The following DLGAP2 variants were observed in gnomAD, a reference collection of about 807,000 sequenced individuals.
The protein encoded by DLGAP2 is DLG associated protein 2.
Under a neutral mutation model 100.3 loss-of-function variants are expected in DLGAP2, and 26 were observed. The observed-to-expected ratio is 0.26, with a 90% CI of 0.19 to 0.36. The LOEUF (loss-of-function observed/expected upper bound fraction) is 0.36, where lower values mean the gene tolerates loss of function less well. Among genes scored for constraint, DLGAP2 ranks in the 10% least tolerant of loss-of-function variants. The pLI, the probability that DLGAP2 is intolerant of heterozygous loss-of-function variation, is 1.00. For synonymous variants in DLGAP2, 886 were observed against 630.1 expected (o/e 1.41, Z -6.08); for missense variants, 1,858 against 1,453.2 (o/e 1.28, Z -4.53).
At chr8:809,675 G>A (rs1347625296) in intron 1 of DLGAP2, among the ~76,000 whole-genome samples, 1 of 152,316 alleles carries the variant, frequency 6.6e-6, no homozygotes, top group Non-Finnish European at 1.5e-5. Flanking sequence ...AAGAACGGAT[G>A]TGTTGTTTTC....
intron 13 of DLGAP2, among the ~76,000 whole-genome samples, chr8:1,694,442 C>T (rs923348377): frequency 6.6e-6 from 1 of 152,198 alleles, no homozygotes; most frequent in Non-Finnish European, 1.5e-5. Flanking sequence ...GGGAGCGGAG[C>T]CTTTCGGGAC....
At chr8:1,071,408 T>C (rs1017595160) in intron 2 of DLGAP2, among the ~76,000 whole-genome samples, 1 of 152,144 alleles carries the variant, frequency 6.6e-6, no homozygotes, top group Non-Finnish European at 1.5e-5. Flanking sequence ...CCCTGGATGA[T>C]GTGCAGTCTC....
intron 2 of DLGAP2, among the ~76,000 whole-genome samples, chr8:1,055,430 T>C (rs1802850656): frequency 6.6e-6 from 1 of 152,238 alleles, no homozygotes; most frequent in Admixed American, 6.5e-5. Flanking sequence ...GATATCTAGG[T>C]TCCTTACCTA....
chr8:892,189 G>A (rs117761717), intron 1 of DLGAP2, among the ~76,000 whole-genome samples: 1,666 of 152,266 alleles, frequency 0.011, 17 homozygotes, highest in South Asian at 0.047. Flanking sequence ...TGACCCAGCC[G>A]TTCCCCTCCT....
chr8:1,050,319 C>T (rs2129032752), intron 2 of DLGAP2, among the ~76,000 whole-genome samples: 1 of 152,338 alleles, frequency 6.6e-6, no homozygotes, highest in African/African-American at 2.4e-5. Context: ...TGCCCCTCTG[C>T]TTCTGTTTTT....
chr8:960,167 T>A (rs1799689116), intron 2 of DLGAP2, among the ~76,000 whole-genome samples: 1 of 150,958 alleles, frequency 6.6e-6, no homozygotes, highest in Non-Finnish European at 1.5e-5. Flanking sequence ...TCTTACATGC[T>A]GTTAGAAGTG....
At chr8:1,407,551 C>T (rs1286163208) in intron 3 of DLGAP2, among the ~76,000 whole-genome samples, 39 of 130,810 alleles carry the variant, frequency 3.0e-4, no homozygotes, top group Middle Eastern at 5.6e-3. Flanking sequence ...TACTGAGCGC[C>T]ACCTCCTCAT....
intron 2 of DLGAP2, among the ~76,000 whole-genome samples, chr8:1,052,505 A>T (rs774773831): frequency 8.5e-5 from 13 of 152,076 alleles, no homozygotes; most frequent in Non-Finnish European, 1.5e-4. Context: ...TCATCTTTGG[A>T]GGAGTTACTA....
intron 3 of DLGAP2, among the ~76,000 whole-genome samples, chr8:1,288,678 AGTGTGT>A (rs1163735040): frequency 9.3e-5 from 11 of 118,482 alleles, no homozygotes; most frequent in East Asian, 2.7e-4. Context: ...GTTTCGGTTC[AGTGTGT>A]GTGTGTGTGT....
intron 8 of DLGAP2, among the ~76,000 whole-genome samples, chr8:1,634,872 T>A (rs1337452556): frequency 6.6e-6 from 1 of 152,208 alleles, no homozygotes; most frequent in East Asian, 1.9e-4. Context: ...ATACAATGTT[T>A]ACCATGTATA....
intron 2 of DLGAP2, among the ~76,000 whole-genome samples, chr8:953,742 G>A (rs1012373638): frequency 3.9e-5 from 6 of 152,008 alleles, no homozygotes; most frequent in African/African-American, 1.5e-4. Flanking sequence ...AGAAAGTGCC[G>A]AGTGGAGCTG....
chr8:1,533,705 C>A (rs1194227406), intron 4 of DLGAP2, among the ~76,000 whole-genome samples: 1 of 152,090 alleles, frequency 6.6e-6, no homozygotes, highest in Non-Finnish European at 1.5e-5. Context: ...TTTCATAAAA[C>A]TTCAAGTTGA....
intron 2 of DLGAP2, among the ~76,000 whole-genome samples, chr8:1,156,276 C>T (rs982095806): frequency 1.3e-5 from 2 of 152,112 alleles, no homozygotes; most frequent in African/African-American, 4.8e-5. Context: ...CCCGTTTTGG[C>T]GCTGCTTACC....
intron 3 of DLGAP2, among the ~76,000 whole-genome samples, chr8:1,431,112 A>C (rs7845338): frequency 0.21 from 32,397 of 152,212 alleles, 3,866 homozygotes; most frequent in Middle Eastern, 0.29. Context: ...CTATTATTTC[A>C]ATTGTTACAA....
chr8:1,600,902 C>T (rs1233283742), intron 6 of DLGAP2, among the ~76,000 whole-genome samples: 1 of 152,190 alleles, frequency 6.6e-6, no homozygotes, highest in Non-Finnish European at 1.5e-5. Context: ...CTGTCCGGTT[C>T]TGTTCCCTTG....
At chr8:1,477,549 A>T (rs1798970252) in intron 3 of DLGAP2, among the ~76,000 whole-genome samples, 1 of 152,234 alleles carries the variant, frequency 6.6e-6, no homozygotes, top group South Asian at 2.1e-4. Context: ...GAGAGCCGGC[A>T]GCCCGGTGGT....
At chr8:764,827 A>G (rs1480549924) in intron 1 of DLGAP2, among the ~76,000 whole-genome samples, 2 of 152,198 alleles carry the variant, frequency 1.3e-5, no homozygotes, top group African/African-American at 4.8e-5. Context: ...TCTATTCTAA[A>G]TACTAGCCAC....
At chr8:1,686,122 C>A (rs2130868228) in intron 12 of DLGAP2, among the ~76,000 whole-genome samples, 1 of 152,314 alleles carries the variant, frequency 6.6e-6, no homozygotes, top group East Asian at 1.9e-4. Context: ...TCTGCACCCA[C>A]ATGTTTATTG....
At chr8:752,461 C>T (rs751079140) in intron 1 of DLGAP2, among the ~76,000 whole-genome samples, 4 of 152,192 alleles carry the variant, frequency 2.6e-5, no homozygotes, top group African/African-American at 7.2e-5. Flanking sequence ...GTGCCAATCT[C>T]GGTCGTGCCG....
Sources: gnomAD v4.1 joint callset for allele counts (sites outside exome capture counted in the v4.1 genomes callset) on GRCh38, gnomAD v4.1.1 for gene constraint, MANE v1.5 for transcripts, NCBI Gene and HGNC (gene_info 2026-07-23, HGNC 2026-07-21) for gene names.